TMEM108: variants seen among roughly 807,000 people sequenced by gnomAD.
TMEM108 encodes the protein transmembrane protein 108.
In TMEM108, 12 loss-of-function variants were observed where a neutral mutation model predicts 35.1. The ratio of observed to expected loss-of-function variants is 0.34; its 90% CI spans 0.22 to 0.55. TMEM108 has a LOEUF of 0.55. TMEM108 is among the 20% of genes least tolerant of loss of function. TMEM108 has a pLI of 0.89. For synonymous variants in TMEM108, 287 were observed against 308.6 expected (o/e 0.93, Z 0.73); for missense variants, 680 against 753.3 (o/e 0.90, Z 1.14).
intron 2 of TMEM108, among the ~76,000 whole-genome samples, chr3:133,142,133 G>T (rs548078553): frequency 6.6e-6 from 1 of 152,258 alleles, no homozygotes; most frequent in South Asian, 2.1e-4. Context: ...ATTGTCCCCA[G>T]TTAAGAACGG....
chr3:133,367,213 C>A (rs536048896), intron 3 of TMEM108, among the ~76,000 whole-genome samples: 1 of 152,346 alleles, frequency 6.6e-6, no homozygotes, highest in South Asian at 2.1e-4. Flanking sequence ...TCTTCTTAGA[C>A]CATAGTGTCA....
At chr3:133,070,773 A>T (rs201024104) in intron 2 of TMEM108, among the ~76,000 whole-genome samples, 1 of 88,618 alleles carries the variant, frequency 1.1e-5, no homozygotes, top group African/African-American at 3.4e-5. Flanking sequence ...GTGTGTGTGT[A>T]TCTGTGTGTG....
intron 3 of TMEM108, among the ~76,000 whole-genome samples, chr3:133,245,388 G>A (rs1259780911): frequency 1.3e-5 from 2 of 152,110 alleles, no homozygotes; most frequent in African/African-American, 4.8e-5. Context: ...GAAGTTCTTT[G>A]ACCAGTTGTT....
chr3:133,280,647 C>G (rs1576429759), intron 3 of TMEM108, among the ~76,000 whole-genome samples: 4 of 152,234 alleles, frequency 2.6e-5, no homozygotes, highest in Admixed American at 1.3e-4. Context: ...TAACAATGCC[C>G]CCAAAAACTT....
At chr3:133,215,360 A>G (rs903458457) in intron 2 of TMEM108, among the ~76,000 whole-genome samples, 1 of 121,490 alleles carries the variant, frequency 8.2e-6, no homozygotes, top group East Asian at 2.5e-4. Flanking sequence ...AAAAGCATAA[A>G]AATGTAAAAA....
intron 2 of TMEM108, among the ~76,000 whole-genome samples, chr3:133,076,897 C>T (rs541800524): frequency 1.8e-4 from 28 of 152,144 alleles, no homozygotes; most frequent in Non-Finnish European, 3.7e-4. Context: ...GATAAGCCAA[C>T]GAAAGGAAGA....
chr3:133,164,248 C>A (rs896321250), intron 2 of TMEM108, among the ~76,000 whole-genome samples: 7 of 152,134 alleles, frequency 4.6e-5, no homozygotes, highest in African/African-American at 9.7e-5. Context: ...CAAGTCACAG[C>A]AAGGGTGATG....
intron 4 of TMEM108, chr3:133,389,302 G>A: frequency 8.1e-6 from 8 of 985,506 alleles, no homozygotes; most frequent in Non-Finnish European, 9.6e-6. Flanking sequence ...GTCACACTGT[G>A]CTCAGTCAAG....
intron 3 of TMEM108, among the ~76,000 whole-genome samples, chr3:133,276,434 CAAAG>C (rs373700696): frequency 4.3e-4 from 65 of 152,246 alleles, no homozygotes; most frequent in African/African-American, 1.3e-3. Flanking sequence ...TTAGGAATGA[CAAAG>C]AATTCAGCTA....
Position 133,359,744 on chromosome 3 carries a change from G to C in TMEM108, c.41-20008G>C, listed in dbSNP as rs192028029. The stretch of plus-strand genomic sequence containing the variant: ...ACATAATTAAATTTTTAAACCAAAA[G>C]GTAAAATAGTAAAGCACTTGGAAAA... On this transcript the variant is annotated intron_variant, in intron 3 of 5. Transcript: ENST00000321871. Among the ~76,000 whole-genome samples the C allele has an allele frequency of 1.5e-3, 233 of 152,134 alleles. 3 individuals carry two copies. Among genetic ancestry groups the C allele is most frequent in the East Asian group, 5.8e-4 (3 of 5,186 alleles).
intron 3 of TMEM108, among the ~76,000 whole-genome samples, chr3:133,331,007 T>A (rs962970883): frequency 3.1e-4 from 47 of 152,068 alleles, no homozygotes; most frequent in African/African-American, 1.1e-3. Flanking sequence ...GGGACGGGGA[T>A]GGGGATTTAG....
intron 2 of TMEM108, among the ~76,000 whole-genome samples, chr3:133,181,027 A>ACAAAAC (rs1559859776): frequency 2.8e-5 from 4 of 144,924 alleles, no homozygotes; most frequent in African/African-American, 1.1e-4. Flanking sequence ...AAAAAAAAAA[A>ACAAAAC]AAAAAAAAAA....
chr3:133,194,797 C>A, intron 2 of TMEM108, among the ~76,000 whole-genome samples: 1 of 152,130 alleles, frequency 6.6e-6, no homozygotes, highest in East Asian at 1.9e-4. Context: ...TCCTGTACAG[C>A]AAATCCCAAA....
At chr3:133,279,553 G>A (rs1160841761) in intron 3 of TMEM108, among the ~76,000 whole-genome samples, 3 of 152,120 alleles carry the variant, frequency 2.0e-5, no homozygotes, top group Non-Finnish European at 4.4e-5. Context: ...CTCTACTTCG[G>A]GCCATCCCTT....
chr3:133,367,949 A>G (rs2072548071), intron 3 of TMEM108, among the ~76,000 whole-genome samples: 1 of 152,200 alleles, frequency 6.6e-6, no homozygotes, highest in Non-Finnish European at 1.5e-5. Context: ...AGTGATTCTC[A>G]GGCATGATCA....
intron 2 of TMEM108, among the ~76,000 whole-genome samples, chr3:133,058,422 C>G (rs1035560512): frequency 6.6e-6 from 1 of 152,346 alleles, no homozygotes; most frequent in African/African-American, 2.4e-5. Context: ...CAGACGGGAG[C>G]TCACCCCCAG....
intron 2 of TMEM108, among the ~76,000 whole-genome samples, chr3:133,126,724 G>A (rs1043080080): frequency 5.9e-5 from 9 of 152,002 alleles, no homozygotes; most frequent in African/African-American, 2.2e-4. Flanking sequence ...TGGAGGATTG[G>A]TTCCAGGACT....
chr3:133,258,694 C>T (rs1201461196), intron 3 of TMEM108, among the ~76,000 whole-genome samples: 1 of 143,374 alleles, frequency 7.0e-6, no homozygotes, highest in Admixed American at 6.9e-5. Context: ...TCCACTCTGA[C>T]TCAGTGGTCA....
chr3:133,141,943 A>G (rs1453651746), intron 2 of TMEM108, among the ~76,000 whole-genome samples: 1 of 152,150 alleles, frequency 6.6e-6, no homozygotes, highest in Non-Finnish European at 1.5e-5. Flanking sequence ...CCCTAATACA[A>G]TGAACATTTT....
Sources: gnomAD v4.1 joint callset for allele counts (sites outside exome capture counted in the v4.1 genomes callset) on GRCh38, gnomAD v4.1.1 for gene constraint, MANE v1.5 for transcripts, NCBI Gene and HGNC (gene_info 2026-07-23, HGNC 2026-07-21) for gene names.